The following NOM1 variants were observed in gnomAD, a reference collection of about 807,000 sequenced individuals.
NOM1 encodes the protein nucleolar MIF4G domain-containing protein 1.
NOM1 carries 58 observed loss-of-function variants against 73.3 expected under a neutral mutation model. That is an observed-to-expected ratio of 0.79 (90% confidence interval 0.64 to 0.99). NOM1 has a LOEUF of 0.99. NOM1 is among the 50% of genes least tolerant of loss of function. The probability of loss-of-function intolerance (pLI) is 0.00; values close to 1 mark genes in which losing one functional copy is unlikely to be tolerated. For missense variants in NOM1, 1,226 were observed against 1,131.9 expected (o/e 1.08, Z -1.19); for synonymous variants, 487 against 446.8 (o/e 1.09, Z -1.14).
chr7:156,961,550 T>C (rs1482805622), intron 4 of NOM1, among the ~76,000 whole-genome samples: 2 of 152,050 alleles, frequency 1.3e-5, no homozygotes, highest in Non-Finnish European at 2.9e-5. Context: ...ATGAGAAAGT[T>C]CTGAAATTGA....
chr7:156,957,578 A>G (rs1047914477), intron 3 of NOM1, among the ~76,000 whole-genome samples: 13 of 152,120 alleles, frequency 8.5e-5, no homozygotes, highest in Non-Finnish European at 1.9e-4. Flanking sequence ...GATTGAGACC[A>G]TCCTGGCTAA....
chr7:156,965,025 G>C (rs1467667672), intron 7 of NOM1, among the ~76,000 whole-genome samples: 1 of 152,222 alleles, frequency 6.6e-6, no homozygotes, highest in African/African-American at 2.4e-5. Context: ...TCAAAATCAT[G>C]AGTTATGAGT....
At chr7:156,953,303 T>C (rs1204432665) in intron 2 of NOM1, among the ~76,000 whole-genome samples, 1 of 152,122 alleles carries the variant, frequency 6.6e-6, no homozygotes, top group African/African-American at 2.4e-5. Context: ...TAGTTTTGTA[T>C]TTTTAGTAGA....
intron 6 of NOM1, chr7:156,963,555 TCCCTCGTTATC>T: frequency 2.6e-6 from 1 of 379,378 alleles, no homozygotes. Context: ...CATCCAGACT[TCCCTCGTTATC>T]CCCTCATGTC....
In NOM1 at chr7:156,967,056, G is replaced by T; in HGVS notation, c.2262G>T (p.Leu754Phe). 1 of 1,613,106 alleles carries T rather than the reference G, an allele frequency of 6.2e-7. No individual in the cohort carries two copies. ...FSNLVHLVAH[L>F]LKTKSLSLSI... ...ATTTGGTTCATCTGGTGGCCCACTT[G>T]TTGAAGACAAAATCGCTTTCCCTTT... Residue 754 changes from leucine to phenylalanine, a missense_variant, in exon 9 of 11, where the codon TTG (leucine) becomes TTT (phenylalanine). Coordinates refer to ENST00000275820, the MANE Select transcript of NOM1 (RefSeq NM_138400.2).
chr7:156,964,554 G>A (rs774857949), intron 7 of NOM1, among the ~76,000 whole-genome samples: 22 of 151,948 alleles, frequency 1.4e-4, no homozygotes, highest in Non-Finnish European at 2.8e-4. Flanking sequence ...ACCAGCCTGG[G>A]CAACATACTG....
rs1239245475 is a variant in NOM1 at position 156,972,168 on chromosome 7, TTCTGATGCAAGCC to T, written c.*2466_*2478del. The T allele has an allele frequency of 6.6e-6, 1 of 152,284 alleles. No homozygotes were observed. The highest frequency in any genetic ancestry group is 6.5e-5 in the Admixed American group (1 of 15,292). The allele number at this position is 152,284 out of a possible 1,614,324, so 9.4% of individuals were successfully genotyped here. ...TGCTTCACGCCTCGGTAGATTTGCA[TTCTGATGCAAGCC>T]CCCAACCTCACGGACCAAGAGGATC... is the stretch of plus-strand genomic sequence containing the variant. On this transcript the variant is annotated 3_prime_UTR_variant, in exon 11 of 11. Transcript: ENST00000275820.
intron 6 of NOM1, chr7:156,963,560 C>T (rs543925825): frequency 2.6e-5 from 10 of 380,552 alleles, no homozygotes; most frequent in South Asian, 1.8e-4. Flanking sequence ...AGACTTCCCT[C>T]GTTATCCCCT....
intron 7 of NOM1, among the ~76,000 whole-genome samples, chr7:156,965,420 C>T (rs28427553): frequency 0.033 from 4,956 of 152,302 alleles, 267 homozygotes; most frequent in African/African-American, 0.11. Context: ...ATCTGTGTGA[C>T]AGAGGCAGAG....
At position 156,950,196 on chromosome 7, in the gene NOM1, C is replaced by G; in HGVS notation, c.459C>G (p.Ala153=). ...KPRPSRVKAK[A]TAATAKTRPS... is the part of the protein sequence containing the mutation. Reference sequence around the variant, plus strand: ...GGCCGTCCCGGGTCAAGGCCAAGGCCACGGCCGCCACCGCAAAGACCAGAC... The same window carrying G: ...GGCCGTCCCGGGTCAAGGCCAAGGCGACGGCCGCCACCGCAAAGACCAGAC... Residue 153 remains alanine (A), a synonymous_variant, in exon 1 of 11, where the codon GCC becomes GCG. Coordinates refer to ENST00000275820, the MANE Select transcript of NOM1 (RefSeq NM_138400.2). 1 of 1,609,052 alleles carries G rather than the reference C, an allele frequency of 6.2e-7. No individual in the cohort carries two copies. Among genetic ancestry groups the G allele is most frequent in the Non-Finnish European group, 8.5e-7 (1 of 1,179,374 alleles).
In NOM1 at chr7:156,954,318, C is replaced by T. The variant is rs752633534; in HGVS notation, c.1308+20C>T. On this transcript the variant is annotated intron_variant, in intron 3 of 10. Coordinates refer to ENST00000275820, the MANE Select transcript of NOM1 (RefSeq NM_138400.2). ...ATCGAGGTACAGTTGTACCTTTTCT[C>T]CAGGCTGTCACTAGTGTCTCATGGT... is the stretch of plus-strand genomic sequence containing the variant. 1 of 1,557,898 alleles carries T rather than the reference C, an allele frequency of 6.4e-7. No individual in the cohort carries two copies. The highest frequency in any genetic ancestry group is 2.3e-5 in the East Asian group (1 of 43,894).
At chr7:156,967,155 GGTAA>G in intron 9 of NOM1, 63 bp downstream of exon 9, 1 of 1,546,362 alleles carries the variant, frequency 6.5e-7, no homozygotes, top group Non-Finnish European at 8.8e-7. Flanking sequence ...TTTAGTACCT[GGTAA>G]ATCAGGTCCT....
At chr7:156,965,082 C>G (rs548955518) in intron 7 of NOM1, among the ~76,000 whole-genome samples, 1 of 152,242 alleles carries the variant, frequency 6.6e-6, no homozygotes, top group Admixed American at 6.5e-5. Flanking sequence ...AGCTGAAACT[C>G]AGTTGGTTCT....
At position 156,954,287 on chromosome 7, in the gene NOM1, G is replaced by C; in HGVS notation, c.1297G>C (p.Val433Leu). The C allele has an allele frequency of 6.3e-7, 1 of 1,592,294 alleles. No homozygotes were observed. The highest frequency in any genetic ancestry group is 8.5e-7 in the Non-Finnish European group (1 of 1,170,358). Residue 433 changes from valine (V) to leucine (L), a missense_variant, in exon 3 of 11, where the codon GTT becomes CTT. Val to Leu is a conservative substitution (Grantham distance 32). Transcript: ENST00000275820. ...CTTAGTCAGCATCCTTCACCACACA[G>C]TTGGAATCGAGGTACAGTTGTACCT... ...VLLVSILHHTVGIEVGAHFLE... is the reference protein window; with the variant it reads ...VLLVSILHHTLGIEVGAHFLE...
Position 156,962,294 on chromosome 7 carries a change from C to G in NOM1, c.1743+33C>G. 3 of 1,519,484 alleles carry G rather than the reference C, an allele frequency of 2.0e-6. No homozygotes were observed. In the South Asian group the frequency reaches 3.4e-5, roughly 17 times the overall value. 94.1% of individuals were successfully genotyped at this position (1,519,484 alleles called of 1,614,324 possible). ...AAGGAACTTTCAATTCTGTTTTGCT[C>G]AGAGCTTCCGTGTCGGCATGAGCCT... On this transcript the variant is annotated intron_variant, in intron 5 of 10. Coordinates refer to ENST00000275820, the MANE Select transcript of NOM1 (RefSeq NM_138400.2).
intron 5 of NOM1, among the ~76,000 whole-genome samples, chr7:156,962,626 C>G (rs1210288369): frequency 1.3e-5 from 2 of 152,196 alleles, no homozygotes; most frequent in African/African-American, 4.8e-5. Context: ...TGACATGCAG[C>G]CAGGATGGAG....
At chr7:156,951,856 A>G (rs1804601024) in intron 1 of NOM1, among the ~76,000 whole-genome samples, 1 of 151,772 alleles carries the variant, frequency 6.6e-6, no homozygotes, top group Non-Finnish European at 1.5e-5. Context: ...ACAGGCGCCC[A>G]CCACCATGCC....
At chr7:156,962,049 G>A (rs1025593032) in intron 4 of NOM1, 102 bp from the exon 5 acceptor site, 1 of 871,536 alleles carries the variant, frequency 1.1e-6, no homozygotes, top group Non-Finnish European at 1.9e-6. Flanking sequence ...TCGTGGCGGT[G>A]GCGGCCATGT....
Position 156,972,444 on chromosome 7 carries a change from A to G in NOM1, c.*2741A>G, listed in dbSNP as rs1805162408. ...TATATTTTATTATTAAAACAAAAAT[A>G]CCTCTCTTTGCTAGAGAGTTATATG... On this transcript the variant is annotated 3_prime_UTR_variant, in exon 11 of 11. Coordinates refer to ENST00000275820, the MANE Select transcript of NOM1 (RefSeq NM_138400.2). The G allele has an allele frequency of 7.4e-6, 1 of 134,664 alleles. No individual in the cohort carries two copies. Among genetic ancestry groups the G allele is most frequent in the Non-Finnish European group, 1.6e-5 (1 of 60,756 alleles). 8.3% of individuals were successfully genotyped at this position (134,664 alleles called of 1,614,324 possible).
Sources: gnomAD v4.1 joint callset for allele counts (sites outside exome capture counted in the v4.1 genomes callset) on GRCh38, gnomAD v4.1.1 for gene constraint, MANE v1.5 for transcripts, NCBI Gene and HGNC (gene_info 2026-07-23, HGNC 2026-07-21) for gene names.